Variants in NCOR2 observed in about 807,000 individuals in gnomAD.
NCOR2 encodes the protein CTG repeat protein 26.
Under a neutral mutation model 262.9 loss-of-function variants are expected in NCOR2, and 81 were observed. The ratio of observed to expected loss-of-function variants is 0.31; its 90% CI spans 0.26 to 0.37. The LOEUF (loss-of-function observed/expected upper bound fraction) is 0.37, where lower values mean the gene tolerates loss of function less well. Among genes scored for constraint, NCOR2 ranks in the 10% least tolerant of loss-of-function variants. The pLI is 1.00. For missense variants in NCOR2, 3,385 were observed against 3,621.4 expected, an observed-to-expected ratio of 0.93 and a Z score of 1.68; for synonymous variants, 1,659 against 1,559.3, an observed-to-expected ratio of 1.06 and a Z score of -1.51.
intron 16 of NCOR2, chr12:124,388,942 C>G (rs916119424): frequency 9.3e-4 from 149 of 160,660 alleles, no homozygotes; most frequent in South Asian, 5.0e-3. Flanking sequence ...TCGAGAGGGG[C>G]GGGCGGGAGG....
chr12:124,422,443 C>A, intron 12 of NCOR2, 58 bp downstream of exon 14: 1 of 1,604,888 alleles, frequency 6.2e-7, no homozygotes, highest in South Asian at 1.1e-5. Flanking sequence ...CACCCTGAGT[C>A]CACGCAGTTG....
chr12:124,359,464 T>C (rs554678667), intron 22 of NCOR2, among the ~76,000 whole-genome samples: 4 of 152,342 alleles, frequency 2.6e-5, no homozygotes, highest in African/African-American at 9.6e-5. Flanking sequence ...CTGTTTCCCC[T>C]GGACTTGTGC....
intron 17 of NCOR2, among the ~76,000 whole-genome samples, chr12:124,384,550 C>T (rs888996328): frequency 3.9e-5 from 6 of 152,156 alleles, no homozygotes; most frequent in African/African-American, 1.2e-4. Context: ...CCAGCGGCCG[C>T]GCGCACACAT....
chr12:124,429,488 G>A (rs993681763), intron 10 of NCOR2, 125 bp downstream of exon 12: 17 of 988,614 alleles, frequency 1.7e-5, no homozygotes, highest in African/African-American at 1.1e-4. Context: ...GATTCCACCC[G>A]CGCTTCGGTG....
At chr12:124,399,458 G>A (rs1258611510) in intron 15 of NCOR2, among the ~76,000 whole-genome samples, 2 of 152,166 alleles carry the variant, frequency 1.3e-5, no homozygotes, top group Non-Finnish European at 1.5e-5. Flanking sequence ...CAAGTACACC[G>A]CCACCAAGAG....
intron 5 of NCOR2, among the ~76,000 whole-genome samples, chr12:124,461,257 G>A (rs2046146331): frequency 6.6e-6 from 1 of 152,258 alleles, no homozygotes; most frequent in Admixed American, 6.5e-5. Flanking sequence ...GACGCCGCAG[G>A]GGAGGTGGCC....
intron 7 of NCOR2, 90 bp downstream of exon 9, chr12:124,449,725 A>C: frequency 6.8e-7 from 1 of 1,467,548 alleles, no homozygotes; most frequent in South Asian, 1.2e-5. Context: ...GGGAACAGAG[A>C]GCCCACGTCC....
At chr12:124,373,423 G>A (rs560646117) in intron 19 of NCOR2, among the ~76,000 whole-genome samples, 2 of 120,444 alleles carry the variant, frequency 1.7e-5, no homozygotes, top group African/African-American at 6.1e-5. Flanking sequence ...AGGCCAGTGC[G>A]TGCGCAGGGG....
chr12:124,364,389 C>A (rs550463981), intron 20 of NCOR2, among the ~76,000 whole-genome samples: 1 of 152,300 alleles, frequency 6.6e-6, no homozygotes, highest in South Asian at 2.1e-4. Flanking sequence ...GGGAGCTGCA[C>A]CCACTTCCTA....
chr12:124,387,887 G>A (rs1017228682), intron 16 of NCOR2, among the ~76,000 whole-genome samples: 2 of 152,100 alleles, frequency 1.3e-5, no homozygotes, highest in Non-Finnish European at 2.9e-5. Context: ...CTCCCATCTG[G>A]GCCTGCTGGG....
At position 124,432,407 on chromosome 12, in the gene NCOR2, G is replaced by C. The variant is rs1289766013; in HGVS notation, c.883-1620C>G. On this transcript the variant is annotated intron_variant, in intron 8 of 46. Coordinates refer to ENST00000405201, the Ensembl canonical transcript of NCOR2. The surrounding 1 kb of genome is among the most constrained non-coding windows in gnomAD (Gnocchi z 5.1). ...TGCAGAGGCCTGGTCCCAAATGGAA[G>C]CCACCCACCATGTGTGGCTCAACTG... Among the ~76,000 whole-genome samples, 1 of 152,148 alleles carries C rather than the reference G, an allele frequency of 6.6e-6. No homozygotes were observed. Among genetic ancestry groups the C allele is most frequent in the African/African-American group, 2.4e-5 (1 of 41,440 alleles).
At chr12:124,417,483 G>A (rs878992919) in intron 13 of NCOR2, among the ~76,000 whole-genome samples, 1 of 152,168 alleles carries the variant, frequency 6.6e-6, no homozygotes, top group Admixed American at 6.5e-5. Flanking sequence ...CCCCAGCCCA[G>A]CTACCAGGAA....
At chr12:124,528,778 AAGG>A (rs1471735089) in intron 1 of NCOR2, among the ~76,000 whole-genome samples, 2 of 152,176 alleles carry the variant, frequency 1.3e-5, no homozygotes, top group East Asian at 3.9e-4. Context: ...TCCTAGCCTG[AAGG>A]AGGAGAAAGG....
intron 10 of NCOR2, among the ~76,000 whole-genome samples, chr12:124,428,086 T>TGTGTGTGTGTGTGTGTGCGCGC (rs958627720): frequency 6.1e-5 from 9 of 147,166 alleles, no homozygotes; most frequent in Non-Finnish European, 1.4e-4. Flanking sequence ...TGTGTGTGTG[T>TGTGTGTGTGTGTGTGTGCGCGC]GTACATGCAA....
intron 8 of NCOR2, among the ~76,000 whole-genome samples, chr12:124,433,833 C>G (rs1016123582): frequency 2.1e-4 from 32 of 150,066 alleles, no homozygotes; most frequent in African/African-American, 7.4e-4. Flanking sequence ...CCCTCCCTCC[C>G]TCTCTCTGTC....
At chr12:124,479,454 T>TACAC (rs144568176) in intron 3 of NCOR2, among the ~76,000 whole-genome samples, 67,270 of 143,374 alleles carry the variant, frequency 0.47, 16,788 homozygotes, top group Non-Finnish European at 0.57. Flanking sequence ...CACACACGCA[T>TACAC]ACACACACAC....
At chr12:124,433,845 T>TACACACACAC (rs1204258133) in intron 8 of NCOR2, among the ~76,000 whole-genome samples, 1 of 18,268 alleles carries the variant, frequency 5.5e-5, no homozygotes, top group Non-Finnish European at 2.7e-4. Context: ...CTCTCTGTCT[T>TACACACACAC]ACACACACAC....
chr12:124,338,408 T>A (rs1387336266), intron 37 of NCOR2, among the ~76,000 whole-genome samples: 1 of 149,758 alleles, frequency 6.7e-6, no homozygotes, highest in Non-Finnish European at 1.5e-5. Flanking sequence ...CTTGGGAGGC[T>A]GAGGCAGGAG....
chr12:124,385,204 G>A (rs1332975296), intron 17 of NCOR2, among the ~76,000 whole-genome samples: 3 of 152,176 alleles, frequency 2.0e-5, no homozygotes, highest in African/African-American at 7.2e-5. Context: ...GTGGAGGAGG[G>A]AAGGGTCTCA....
Sources: allele counts gnomAD v4.1 joint callset (sites outside exome capture counted in the v4.1 genomes callset), GRCh38; gene constraint gnomAD v4.1.1; non-coding constraint Gnocchi (gnomAD v3.1); transcripts MANE v1.5; gene names NCBI Gene and HGNC (gene_info 2026-07-23, HGNC 2026-07-21).